Variants in PRKAB1 observed in about 807,000 individuals in gnomAD.
PRKAB1 encodes protein kinase AMP-activated non-catalytic subunit beta 1.
PRKAB1 carries 18 observed loss-of-function variants against 32.0 expected under a neutral mutation model. The ratio of observed to expected loss-of-function variants is 0.56; its 90% CI spans 0.39 to 0.83. PRKAB1 has a LOEUF of 0.83. PRKAB1 is among the 40% of genes least tolerant of loss of function. PRKAB1 has a pLI of 0.00. For synonymous variants in PRKAB1, 141 were observed against 141.4 expected, an observed-to-expected ratio of 1.00 and a Z score of 0.02; for missense variants, 263 against 352.6, an observed-to-expected ratio of 0.75 and a Z score of 2.03.
Position 119,679,281 on chromosome 12 carries a change from A to G in PRKAB1, c.667-652A>G, listed in dbSNP as rs1457095169. ...ATGGCCTCCCAGCGGGAGCTTGCTG[A>G]GTATTTGTTGACACAATGATTGGCC... On this transcript the variant is annotated intron_variant, in intron 5 of 6. Coordinates refer to ENST00000229328, the MANE Select transcript of PRKAB1 (RefSeq NM_006253.5). The surrounding 1 kb of genome is among the most constrained non-coding windows in gnomAD (Gnocchi z 4.1). 1 of 152,390 alleles carries G rather than the reference A, an allele frequency of 6.6e-6. No individual in the cohort carries two copies. 9.4% of individuals were successfully genotyped at this position (152,390 alleles called of 1,614,324 possible). A position where few individuals can be genotyped will look rare whatever the true frequency, so the allele number is the denominator to read the frequency against.
intron 5 of PRKAB1, chr12:119,678,861 G>C (rs1284970105): frequency 6.6e-6 from 1 of 152,206 alleles, no homozygotes; most frequent in Non-Finnish European, 1.5e-5. Context: ...TTTCCTTGGA[G>C]TATCTACCCT....
At position 119,668,364 on chromosome 12, in the gene PRKAB1, C is replaced by T. The variant is rs376235296; in HGVS notation, c.120C>T (p.Ser40=). 131 of 1,613,382 alleles carry T rather than the reference C, an allele frequency of 8.1e-5. No homozygotes were observed. Among genetic ancestry groups the T allele is most frequent in the Non-Finnish European group, 7.6e-5 (90 of 1,179,752 alleles). ...ACAGGCCCAAGATCCTGATGGACAGCCCCGAAGACGCCGACCTCTTCCACT... is the reference window on the plus strand; with the variant it reads ...ACAGGCCCAAGATCCTGATGGACAGTCCCGAAGACGCCGACCTCTTCCACT... ...DGDRPKILMD[S]PEDADLFHSE... is the part of the protein sequence containing the mutation. The change falls in exon 1 of 7, where the codon AGC becomes AGT. Residue 40 remains serine (S), a synonymous_variant. Coordinates refer to ENST00000229328, the MANE Select transcript of PRKAB1 (RefSeq NM_006253.5).
intron 2 of PRKAB1, 21 bp downstream of exon 2, chr12:119,672,485 C>T (rs1955395723): frequency 6.6e-7 from 1 of 1,504,408 alleles, no homozygotes; most frequent in African/African-American, 1.4e-5. Context: ...GGGGAGTGTT[C>T]ACATATTTGT....
rs991719771 is a variant in PRKAB1 at position 119,680,428 on chromosome 12, C to A, written c.*103C>A. ...TGGACTGTACATTGCTCATTTCACA[C>A]TCTTCAGAAGACATTTCATACCTGC... On this transcript the variant is annotated 3_prime_UTR_variant, in exon 7 of 7. Transcript: ENST00000229328. 5.8e-6 allele frequency: 7 copies of A among 1,206,330 alleles called. No homozygotes were observed. The African/African-American group carries it at 9.0e-5, about 16-fold the overall frequency. 74.7% of individuals were successfully genotyped at this position (1,206,330 alleles called of 1,614,324 possible).
At chr12:119,676,770 C>T in intron 5 of PRKAB1, 100 bp downstream of exon 5, 7 of 1,428,416 alleles carry the variant, frequency 4.9e-6, no homozygotes, top group Non-Finnish European at 6.7e-6. Context: ...TGAGCAAGCT[C>T]AGTGTCACCC....
At chr12:119,669,129 TAAATAA>T (rs1408397686) in intron 1 of PRKAB1, among the ~76,000 whole-genome samples, 1 of 147,814 alleles carries the variant, frequency 6.8e-6, no homozygotes, top group African/African-American at 2.5e-5. Context: ...AAAAAAAATA[TAAATAA>T]AAATAAAAAA....
At chr12:119,668,526 C>T (rs1955358381) in intron 1 of PRKAB1, 123 bp downstream of exon 1, 4 of 1,335,548 alleles carry the variant, frequency 3.0e-6, no homozygotes, top group Middle Eastern at 1.8e-4. Flanking sequence ...GTACATTACC[C>T]GGTGCACTTA....
intron 1 of PRKAB1, chr12:119,669,657 A>G (rs1955371626): frequency 6.7e-6 from 1 of 148,298 alleles, no homozygotes; most frequent in Non-Finnish European, 1.5e-5. Flanking sequence ...GGGCACTGCA[A>G]CCTTCGTCTC....
At chr12:119,672,727 C>T (rs1955397060) in intron 2 of PRKAB1, among the ~76,000 whole-genome samples, 1 of 152,158 alleles carries the variant, frequency 6.6e-6, no homozygotes, top group Non-Finnish European at 1.5e-5. Context: ...GACTTTTCCA[C>T]AGAAACACAA....
chr12:119,675,783 C>T (rs1235439397), intron 4 of PRKAB1, among the ~76,000 whole-genome samples: 1 of 152,176 alleles, frequency 6.6e-6, no homozygotes, highest in Admixed American at 6.5e-5. Flanking sequence ...ATTGGCAGAG[C>T]TGGGGCATAG....
At chr12:119,680,099 A>G (rs1955452933) in intron 6 of PRKAB1, 98 bp downstream of exon 6, 2 of 1,511,912 alleles carry the variant, frequency 1.3e-6, no homozygotes, top group Non-Finnish European at 1.8e-6. Context: ...CTTAAAGGGC[A>G]GCTTCCAGGG....
chr12:119,668,167 C>G lies in PRKAB1; in HGVS notation c.-78C>G. On this transcript the variant is annotated 5_prime_UTR_variant, in exon 1 of 7. Transcript: ENST00000229328. ...CGCAGGCTCCTTGGGACCCGCGGTT[C>G]CGGGAGTCCCTTGCTCAGGGTCCCT... 3.6e-6 allele frequency: 5 copies of G among 1,401,904 alleles called. No individual in the cohort carries two copies. The highest frequency in any genetic ancestry group is 4.6e-6 in the Non-Finnish European group (5 of 1,077,552). 86.8% of individuals were successfully genotyped at this position (1,401,904 alleles called of 1,614,324 possible).
At position 119,674,133 on chromosome 12, in the gene PRKAB1, T is replaced by C; in HGVS notation, c.417+76T>C. 2 of 1,391,846 alleles carry C rather than the reference T, an allele frequency of 1.4e-6. No individual in the cohort carries two copies. Among genetic ancestry groups the C allele is most frequent in the Non-Finnish European group, 2.0e-6 (2 of 994,060 alleles). 86.2% of individuals were successfully genotyped at this position (1,391,846 alleles called of 1,614,324 possible). On this transcript the variant is annotated intron_variant, in intron 3 of 6. Coordinates refer to ENST00000229328, the MANE Select transcript of PRKAB1 (RefSeq NM_006253.5). This position sits in a 1 kb window ranked among gnomAD's most constrained non-coding sequence, Gnocchi z 4.3. ...AATCACCTTCCCAAGAGATTGCCGC[T>C]AGGTCCCTTTGCCCAGCTAGTAAAA... is the stretch of plus-strand genomic sequence containing the variant.
At position 119,676,661 on chromosome 12, in the gene PRKAB1, G is replaced by A. The variant is rs1484220970; in HGVS notation, c.657G>A (p.Thr219=). ...HLLQVILNKD[T]GISCDPALLP... is the part of the protein sequence containing the mutation. Reference sequence around the variant, plus strand: ...TCCAGGTCATCCTGAACAAGGACACGGGGATTTCCGTAAGTATGTGGGCAT... The same window carrying A: ...TCCAGGTCATCCTGAACAAGGACACAGGGATTTCCGTAAGTATGTGGGCAT... The change falls in exon 5 of 7, where the codon ACG becomes ACA. Residue 219 remains threonine, a synonymous_variant. Transcript: ENST00000229328. The A allele has an allele frequency of 6.2e-6, 10 of 1,613,740 alleles. No homozygotes were observed. The highest frequency in any genetic ancestry group is 4.5e-5 in the East Asian group (2 of 44,872).
At position 119,679,346 on chromosome 12, in the gene PRKAB1, C is replaced by G. The variant is rs1955448247; in HGVS notation, c.667-587C>G. ...CTAAGCCTACAGCAGTTGTTCTACA[C>G]TTTTTTCCATTTGAATTGCATTTAT... On this transcript the variant is annotated intron_variant, in intron 5 of 6. Coordinates refer to ENST00000229328, the MANE Select transcript of PRKAB1 (RefSeq NM_006253.5). The surrounding 1 kb of genome is among the most constrained non-coding windows in gnomAD (Gnocchi z 4.1). The G allele has an allele frequency of 6.5e-6, 1 of 153,488 alleles. No homozygotes were observed. Among genetic ancestry groups the G allele is most frequent in the African/African-American group, 2.4e-5 (1 of 41,444 alleles). 9.5% of individuals were successfully genotyped at this position (153,488 alleles called of 1,614,324 possible). A position where few individuals can be genotyped will look rare whatever the true frequency, so the allele number is the denominator to read the frequency against.
Position 119,672,354 on chromosome 12 carries a change from T to C in PRKAB1, c.213T>C (p.Asp71=). ...LAWQHDLEVN[D]KAPAQARPTV... is the part of the protein sequence containing the mutation. ...GGCAGCATGATCTGGAAGTGAATGA[T>C]AAAGCTCCCGCCCAGGCTCGGCCAA... Residue 71 remains aspartate (D), a synonymous_variant, in exon 2 of 7, where the codon GAT becomes GAC. Coordinates refer to ENST00000229328, the MANE Select transcript of PRKAB1 (RefSeq NM_006253.5). 5.0e-6 allele frequency: 8 copies of C among 1,613,086 alleles called. No homozygotes were observed. The highest frequency in any genetic ancestry group is 6.8e-6 in the Non-Finnish European group (8 of 1,179,622).
In PRKAB1 at chr12:119,681,081, A is replaced by C. The variant is rs1279460728; in HGVS notation, c.*756A>C. On this transcript the variant is annotated 3_prime_UTR_variant, in exon 7 of 7. Transcript: ENST00000229328. The stretch of plus-strand genomic sequence containing the variant: ...TTTCAACCTGCTGCCGGATTTCTCC[A>C]TTCAGCTGGATGATCCTCAGGACTG... 6.6e-6 allele frequency: 1 copy of C among 152,554 alleles called. No individual in the cohort carries two copies. Among genetic ancestry groups the C allele is most frequent in the African/African-American group, 2.4e-5 (1 of 41,442 alleles). The allele number at this position is 152,554 out of a possible 1,614,324, so 9.5% of individuals were successfully genotyped here.
chr12:119,679,678 A>G lies in PRKAB1; in HGVS notation c.667-255A>G, dbSNP rs1955450059. 3 of 494,964 alleles carry G rather than the reference A, an allele frequency of 6.1e-6. No homozygotes were observed. Among genetic ancestry groups the G allele is most frequent in the Admixed American group, 3.3e-5 (1 of 30,624 alleles). The allele number at this position is 494,964 out of a possible 1,614,324, so 30.7% of individuals were successfully genotyped here. On this transcript the variant is annotated intron_variant, in intron 5 of 6. Coordinates refer to ENST00000229328, the MANE Select transcript of PRKAB1 (RefSeq NM_006253.5). The surrounding 1 kb of genome is among the most constrained non-coding windows in gnomAD (Gnocchi z 4.1). ...GACAGGGCCGTGGCCCACACTTGAAAGAGGCCGGGGTAAATGCCTGGCCAG... is the reference window on the plus strand; with the variant it reads ...GACAGGGCCGTGGCCCACACTTGAAGGAGGCCGGGGTAAATGCCTGGCCAG...
At position 119,680,459 on chromosome 12, in the gene PRKAB1, T is replaced by C. The variant is rs373531093; in HGVS notation, c.*134T>C. 8.3e-5 allele frequency: 78 copies of C among 943,086 alleles called. No homozygotes were observed. In the East Asian group the frequency reaches 9.3e-4, roughly 11 times the overall value. The allele number at this position is 943,086 out of a possible 1,614,324, so 58.4% of individuals were successfully genotyped here. A position where few individuals can be genotyped will look rare whatever the true frequency, so the allele number is the denominator to read the frequency against. On this transcript the variant is annotated 3_prime_UTR_variant, in exon 7 of 7. Coordinates refer to ENST00000229328, the MANE Select transcript of PRKAB1 (RefSeq NM_006253.5). ...AGAAGACATTTCATACCTGCCCTGGTCCTGCTTGAAGGTTTGTCCAGGCAG... is the reference window on the plus strand; with the variant it reads ...AGAAGACATTTCATACCTGCCCTGGCCCTGCTTGAAGGTTTGTCCAGGCAG...
Sources: allele counts gnomAD v4.1 joint callset (sites outside exome capture counted in the v4.1 genomes callset), GRCh38; gene constraint gnomAD v4.1.1; non-coding constraint Gnocchi (gnomAD v3.1); transcripts MANE v1.5; gene names NCBI Gene and HGNC (gene_info 2026-07-23, HGNC 2026-07-21).